Variants in ARHGAP32 observed in about 807,000 individuals in gnomAD.
ARHGAP32 encodes rho GTPase-activating protein 32.
In ARHGAP32, 51 loss-of-function variants were observed where a neutral mutation model predicts 186.5. That is an observed-to-expected ratio of 0.27 (90% CI 0.22 to 0.35). ARHGAP32 has a LOEUF of 0.35. Ranked by LOEUF, ARHGAP32 falls within the 10% of genes least tolerant of loss-of-function variation. The probability of loss-of-function intolerance (pLI) is 1.00; values close to 1 mark genes in which losing one functional copy is unlikely to be tolerated. For synonymous variants in ARHGAP32, 950 were observed against 964.3 expected (o/e 0.99, Z 0.27); for missense variants, 2,186 against 2,623.5 (o/e 0.83, Z 3.64).
At chr11:129,268,027 GCC>G (rs1945427110) in intron 1 of ARHGAP32, among the ~76,000 whole-genome samples, 1 of 152,042 alleles carries the variant, frequency 6.6e-6, no homozygotes, top group Non-Finnish European at 1.5e-5. Context: ...CTCCTATTAG[GCC>G]CCAACTTCAA....
At chr11:129,084,503 T>C (rs1941319531) in intron 6 of ARHGAP32, among the ~76,000 whole-genome samples, 1 of 152,088 alleles carries the variant, frequency 6.6e-6, no homozygotes, top group South Asian at 2.1e-4. Context: ...TGGTTCAACA[T>C]TTGAAAATCA....
At chr11:129,048,948 T>C (rs1044324565) in intron 10 of ARHGAP32, among the ~76,000 whole-genome samples, 2 of 151,910 alleles carry the variant, frequency 1.3e-5, no homozygotes, top group African/African-American at 2.4e-5. Flanking sequence ...AATAGTTACA[T>C]CTGGCAGAAC....
chr11:128,974,984 C>A lies in ARHGAP32; in HGVS notation c.2213G>T (p.Arg738Leu). 1.2e-6 allele frequency: 2 copies of A among 1,608,256 alleles called. No homozygotes were observed. The highest frequency in any genetic ancestry group is 1.1e-5 in the South Asian group (1 of 89,620). The change falls in exon 21 of 23, where the codon CGA becomes CTA. Residue 738 changes from arginine to leucine, a missense_variant. By Grantham distance (102) the Arg-to-Leu change is moderately radical. This residue lies in a region of ARHGAP32 where 263 missense variants were observed against 323.5 expected (regional missense o/e 0.81). Coordinates refer to ENST00000682385, the MANE Select transcript of ARHGAP32 (RefSeq NM_001378024.1). The stretch of plus-strand genomic sequence containing the variant: ...ACTGGAAGATCTGGGTCTTCTGGGT[C>A]GGAAGAGCTTAGAATCACCTGGAAA... ...HAVDGDSKLF[R>L]PRRPRSSSDA...
At chr11:129,009,571 A>G (rs536803926) in intron 11 of ARHGAP32, among the ~76,000 whole-genome samples, 16 of 152,158 alleles carry the variant, frequency 1.1e-4, no homozygotes, top group Admixed American at 8.5e-4. Context: ...CCCACTTATA[A>G]GTGAGAACAT....
rs34762356 is a variant in ARHGAP32, at chr11:129,029,801, C to CAAAAAAAAAA, written c.1045+11117_1045+11126dup. 4.9e-4 allele frequency among the ~76,000 whole-genome samples: 23 copies of CAAAAAAAAAA among 46,946 alleles called. 3 individuals are homozygous for CAAAAAAAAAA. Among genetic ancestry groups the CAAAAAAAAAA allele is most frequent in the African/African-American group, 1.9e-3 (17 of 8,898 alleles). The allele number at this position is 46,946 out of a possible 152,430, so 30.8% of individuals were successfully genotyped here. A position where few individuals can be genotyped will look rare whatever the true frequency, so the allele number is the denominator to read the frequency against. ...TGGGGGACAGAGGGAGACTCCGTCT[C>CAAAAAAAAAA]AAAAAAAAAAAAAAAAAAAAAAAAA... On this transcript the variant is annotated intron_variant, in intron 11 of 22. Coordinates refer to ENST00000682385, the MANE Select transcript of ARHGAP32 (RefSeq NM_001378024.1).
At chr11:129,253,961 T>C (rs1361615684) in intron 1 of ARHGAP32, among the ~76,000 whole-genome samples, 1 of 152,168 alleles carries the variant, frequency 6.6e-6, no homozygotes, top group Non-Finnish European at 1.5e-5. Context: ...TTAGTTATTC[T>C]AACTGAAATA....
chr11:129,072,535 G>A (rs2135181886), intron 6 of ARHGAP32, among the ~76,000 whole-genome samples: 1 of 152,256 alleles, frequency 6.6e-6, no homozygotes, highest in South Asian at 2.1e-4. Context: ...TGGGGTCACG[G>A]AACAAATCAC....
At chr11:129,062,223 T>G in intron 10 of ARHGAP32, 57 bp downstream of exon 10, 1 of 1,453,900 alleles carries the variant, frequency 6.9e-7, no homozygotes, top group Non-Finnish European at 9.6e-7. Context: ...AAAGTATTAC[T>G]GAATCATAAA....
At chr11:129,246,458 ATAAG>A (rs1470892027) in intron 1 of ARHGAP32, among the ~76,000 whole-genome samples, 1 of 151,902 alleles carries the variant, frequency 6.6e-6, no homozygotes, top group Non-Finnish European at 1.5e-5. Context: ...AATGAATAAG[ATAAG>A]TAAGAAAAAG....
intron 10 of ARHGAP32, among the ~76,000 whole-genome samples, chr11:129,058,314 T>C (rs2135119519): frequency 6.6e-6 from 1 of 152,078 alleles, no homozygotes; most frequent in South Asian, 2.1e-4. Flanking sequence ...TATATGAATA[T>C]ATGATATCCC....
intron 1 of ARHGAP32, among the ~76,000 whole-genome samples, chr11:129,171,351 G>T (rs1172900314): frequency 6.6e-6 from 1 of 152,150 alleles, no homozygotes; most frequent in African/African-American, 2.4e-5. Flanking sequence ...TTTTGTATAA[G>T]GTGAAAGGAA....
At chr11:129,003,031 C>T (rs530065886) in intron 11 of ARHGAP32, among the ~76,000 whole-genome samples, 3 of 152,204 alleles carry the variant, frequency 2.0e-5, no homozygotes, top group East Asian at 3.9e-4. Context: ...CTCCTGACCT[C>T]GTGATCTGCC....
chr11:129,241,202 T>G (rs1326911246), intron 1 of ARHGAP32, among the ~76,000 whole-genome samples: 1 of 152,174 alleles, frequency 6.6e-6, no homozygotes, highest in African/African-American at 2.4e-5. Flanking sequence ...AGTTAAAATT[T>G]TAAAACAAAA....
intron 2 of ARHGAP32, among the ~76,000 whole-genome samples, chr11:129,133,229 A>AT (rs1014070164): frequency 6.6e-6 from 1 of 152,184 alleles, no homozygotes. Context: ...AAGATAGTTA[A>AT]TTTTTTTAAA....
At chr11:128,979,145 T>A (rs1326254902) in intron 18 of ARHGAP32, among the ~76,000 whole-genome samples, 1 of 152,162 alleles carries the variant, frequency 6.6e-6, no homozygotes. Flanking sequence ...ACAAAGATCA[T>A]TTTTATATAT....
chr11:129,065,992 T>C (rs1940674523), intron 7 of ARHGAP32, among the ~76,000 whole-genome samples: 1 of 152,194 alleles, frequency 6.6e-6, no homozygotes, highest in African/African-American at 2.4e-5. Context: ...TTAATTTAAA[T>C]GATCCTATAT....
intron 6 of ARHGAP32, among the ~76,000 whole-genome samples, chr11:129,085,119 G>A (rs1199690327): frequency 1.3e-5 from 2 of 151,880 alleles, no homozygotes; most frequent in Non-Finnish European, 2.9e-5. Flanking sequence ...AATGTACTAG[G>A]CTTAAGCGAT....
intron 1 of ARHGAP32, among the ~76,000 whole-genome samples, chr11:129,184,485 C>T (rs975669846): frequency 6.6e-6 from 1 of 151,946 alleles, no homozygotes; most frequent in Non-Finnish European, 1.5e-5. Flanking sequence ...TTTATCTACT[C>T]AAATTGAATT....
rs759154996 is a variant in ARHGAP32, at chr11:128,970,620, G to A, written c.4593C>T (p.His1531=). 1.9e-6 allele frequency: 3 copies of A among 1,614,186 alleles called. No individual in the cohort carries two copies. The highest frequency in any genetic ancestry group is 4.5e-5 in the East Asian group (2 of 44,890). ...VPPHHNKLEQ[H]QVYGARSEPP... ...GCTCTGACCTGGCACCATACACTTG[G>A]TGCTGCTCCAATTTATTGTGATGGG... Residue 1531 remains histidine, a synonymous_variant, in exon 23 of 23, where the codon CAC becomes CAT. Transcript: ENST00000682385. This position sits in a 1 kb window ranked among gnomAD's most constrained non-coding sequence, Gnocchi z 5.8.
Sources: gnomAD v4.1 joint callset for allele counts (sites outside exome capture counted in the v4.1 genomes callset) on GRCh38, gnomAD v4.1.1 for gene constraint, gnomAD v4.1.1 regional missense constraint, Gnocchi (gnomAD v3.1) non-coding constraint, MANE v1.5 for transcripts, NCBI Gene and HGNC (gene_info 2026-07-23, HGNC 2026-07-21) for gene names.